Variants in XKR6 observed in about 807,000 individuals in gnomAD.
XKR6 encodes XK-related protein 6.
Under a neutral mutation model 56.7 loss-of-function variants are expected in XKR6, and 22 were observed. That is an observed-to-expected ratio of 0.39 (90% CI 0.28 to 0.55). The LOEUF (loss-of-function observed/expected upper bound fraction) is 0.55, where lower values mean the gene tolerates loss of function less well. Among genes scored for constraint, XKR6 ranks in the 20% least tolerant of loss-of-function variants. XKR6 has a pLI of 0.66. For missense variants in XKR6, 852 were observed against 889.0 expected, an observed-to-expected ratio of 0.96 and a Z score of 0.53; for synonymous variants, 524 against 387.8, an observed-to-expected ratio of 1.35 and a Z score of -4.13.
At chr8:11,166,101 C>T (rs550523376) in intron 1 of XKR6, among the ~76,000 whole-genome samples, 7 of 151,714 alleles carry the variant, frequency 4.6e-5, no homozygotes, top group South Asian at 2.1e-4. Context: ...GATTTACAGG[C>T]GCATGCCACC....
intron 1 of XKR6, among the ~76,000 whole-genome samples, chr8:10,979,738 T>G (rs1465871526): frequency 6.6e-6 from 1 of 152,184 alleles, no homozygotes; most frequent in African/African-American, 2.4e-5. Context: ...CTCTGTTCCC[T>G]GTGGCTACTT....
At chr8:11,155,966 C>G (rs1393304524) in intron 1 of XKR6, among the ~76,000 whole-genome samples, 3 of 152,194 alleles carry the variant, frequency 2.0e-5, no homozygotes, top group South Asian at 2.1e-4. Flanking sequence ...TGAACTCAAC[C>G]CTTCCACCTT....
intron 1 of XKR6, among the ~76,000 whole-genome samples, chr8:10,957,472 C>T (rs990459673): frequency 6.6e-6 from 1 of 152,180 alleles, no homozygotes; most frequent in African/African-American, 2.4e-5. Context: ...GTGTGCCCCT[C>T]TCCCCACCTG....
At chr8:11,101,178 G>T (rs563549384) in intron 1 of XKR6, among the ~76,000 whole-genome samples, 1 of 152,338 alleles carries the variant, frequency 6.6e-6, no homozygotes, top group African/African-American at 2.4e-5. Context: ...ATAATTTATA[G>T]CAAGAGATAT....
intron 1 of XKR6, among the ~76,000 whole-genome samples, chr8:11,030,504 G>T (rs909274872): frequency 1.3e-5 from 2 of 152,164 alleles, no homozygotes; most frequent in African/African-American, 4.8e-5. Flanking sequence ...TAAAAAGTAA[G>T]CCTAGTGACA....
chr8:11,041,167 T>G (rs1006585794), intron 1 of XKR6, among the ~76,000 whole-genome samples: 1 of 152,038 alleles, frequency 6.6e-6, no homozygotes, highest in African/African-American at 2.4e-5. Flanking sequence ...CTGAAACGCA[T>G]TTTAGAAATG....
intron 1 of XKR6, among the ~76,000 whole-genome samples, chr8:10,937,589 T>C (rs1426667687): frequency 1.3e-5 from 2 of 149,538 alleles, no homozygotes; most frequent in Non-Finnish European, 3.0e-5. Flanking sequence ...GGTGTGGATG[T>C]CCTTTCTGTT....
chr8:10,977,693 G>C (rs941673154), intron 1 of XKR6, among the ~76,000 whole-genome samples: 2 of 150,148 alleles, frequency 1.3e-5, no homozygotes, highest in African/African-American at 2.5e-5. Context: ...AGGTGGGTTC[G>C]GGGATAGAGA....
chr8:11,051,054 T>C (rs908924309), intron 1 of XKR6, among the ~76,000 whole-genome samples: 2 of 152,172 alleles, frequency 1.3e-5, no homozygotes, highest in African/African-American at 2.4e-5. Flanking sequence ...CAGTCTCTCA[T>C]TCTTGCCAAA....
At chr8:10,915,298 C>T (rs1371201633) in intron 2 of XKR6, among the ~76,000 whole-genome samples, 1 of 152,128 alleles carries the variant, frequency 6.6e-6, no homozygotes, top group Non-Finnish European at 1.5e-5. Flanking sequence ...AGTGAATCAA[C>T]GTTCCACCTG....
chr8:11,079,207 G>T (rs1422796280), intron 1 of XKR6, among the ~76,000 whole-genome samples: 2 of 152,228 alleles, frequency 1.3e-5, no homozygotes, highest in Non-Finnish European at 2.9e-5. Context: ...AGCTCTGTGT[G>T]TGTCTCCTGG....
intron 1 of XKR6, among the ~76,000 whole-genome samples, chr8:11,170,262 T>C (rs1026809478): frequency 6.6e-5 from 10 of 152,194 alleles, no homozygotes; most frequent in African/African-American, 2.2e-4. Flanking sequence ...AGCAGCCTTA[T>C]TATGTTCATA....
chr8:11,181,504 T>C (rs1321633170), intron 1 of XKR6, among the ~76,000 whole-genome samples: 3 of 152,250 alleles, frequency 2.0e-5, no homozygotes, highest in Admixed American at 6.5e-5. Flanking sequence ...AATTATTTCA[T>C]AGGGACATAT....
At chr8:11,165,596 C>T (rs1450287240) in intron 1 of XKR6, among the ~76,000 whole-genome samples, 2 of 152,176 alleles carry the variant, frequency 1.3e-5, no homozygotes, top group Non-Finnish European at 2.9e-5. Flanking sequence ...TTACTAGCAA[C>T]TCTTTTTCTA....
chr8:11,077,500 G>C (rs147850847), intron 1 of XKR6, among the ~76,000 whole-genome samples: 41 of 149,290 alleles, frequency 2.7e-4, no homozygotes, highest in African/African-American at 9.4e-4. Flanking sequence ...CACTCAAGGA[G>C]GAGGGCATGG....
intron 1 of XKR6, among the ~76,000 whole-genome samples, chr8:11,183,796 A>G (rs939760184): frequency 8.5e-5 from 13 of 152,188 alleles, no homozygotes; most frequent in African/African-American, 3.1e-4. Flanking sequence ...AGTCTGGCCA[A>G]GTGGGCTCAT....
chr8:11,056,267 C>T (rs1192896675), intron 1 of XKR6, among the ~76,000 whole-genome samples: 4 of 152,180 alleles, frequency 2.6e-5, no homozygotes, highest in African/African-American at 7.2e-5. Context: ...TTTATTTATG[C>T]GTTTACTGGG....
intron 1 of XKR6, among the ~76,000 whole-genome samples, chr8:11,117,246 C>G (rs1799227109): frequency 6.6e-6 from 1 of 152,212 alleles, no homozygotes; most frequent in African/African-American, 2.4e-5. Context: ...CTGCAGTCCC[C>G]TCTTAGAAGT....
chr8:10,928,652 C>A (rs1405081663), intron 1 of XKR6, among the ~76,000 whole-genome samples: 1 of 152,216 alleles, frequency 6.6e-6, no homozygotes, highest in Non-Finnish European at 1.5e-5. Context: ...CCGCTCCAGG[C>A]AAGTGATCTC....
Sources: gnomAD v4.1 joint callset for allele counts (sites outside exome capture counted in the v4.1 genomes callset) on GRCh38, gnomAD v4.1.1 for gene constraint, MANE v1.5 for transcripts, NCBI Gene and HGNC (gene_info 2026-07-23, HGNC 2026-07-21) for gene names.